The following PIAS1 variants were observed in gnomAD, a reference collection of about 807,000 sequenced individuals.
The protein encoded by PIAS1 is protein inhibitor of activated STAT 1.
A neutral mutation model predicts 71.3 loss-of-function variants in PIAS1; 6 were observed. The observed-to-expected ratio is 0.08, with a 90% confidence interval of 0.05 to 0.17. The LOEUF (loss-of-function observed/expected upper bound fraction) is 0.17. PIAS1 is among the 10% of genes least tolerant of loss of function. PIAS1 has a pLI of 1.00. For synonymous variants in PIAS1, 303 were observed against 292.9 expected (o/e 1.03, Z -0.35); for missense variants, 555 against 793.6 (o/e 0.70, Z 3.61).
At position 68,190,085 on chromosome 15, in the gene PIAS1, A is replaced by G. The variant is rs1275448169; in HGVS notation, c.*2250A>G. The G allele has an allele frequency of 6.6e-6, 1 of 151,894 alleles. No homozygotes were observed. Among genetic ancestry groups the G allele is most frequent in the African/African-American group, 2.4e-5 (1 of 41,434 alleles). The allele number at this position is 151,894 out of a possible 1,614,324, so 9.4% of individuals were successfully genotyped here. A position where few individuals can be genotyped will look rare whatever the true frequency, so the allele number is the denominator to read the frequency against. ...AACTTTGTGTATGATGCTGAATTAC[A>G]AACCGTTTGAATGATCCAGTTGAAA... is the stretch of plus-strand genomic sequence containing the variant. On this transcript the variant is annotated 3_prime_UTR_variant, in exon 14 of 14. Coordinates refer to ENST00000249636, the MANE Select transcript of PIAS1 (RefSeq NM_016166.3). This position sits in a 1 kb window ranked among gnomAD's most constrained non-coding sequence, Gnocchi z 4.7.
In PIAS1 at chr15:68,191,265, CTT is replaced by C. The variant is rs1253100947; in HGVS notation, c.*3432_*3433del. On this transcript the variant is annotated 3_prime_UTR_variant, in exon 14 of 14. Coordinates refer to ENST00000249636, the MANE Select transcript of PIAS1 (RefSeq NM_016166.3). ...AAATCTGTGATTCATTGCCTTAAAACTTTCTCTCTTAGAATTTCCATACCGCA... is the reference window on the plus strand; with the variant it reads ...AAATCTGTGATTCATTGCCTTAAAACTCTCTCTTAGAATTTCCATACCGCA... 6.6e-6 allele frequency: 1 copy of C among 152,620 alleles called. No individual in the cohort carries two copies. The highest frequency in any genetic ancestry group is 1.5e-5 in the Non-Finnish European group (1 of 68,028). 9.5% of individuals were successfully genotyped at this position (152,620 alleles called of 1,614,324 possible). A position where few individuals can be genotyped will look rare whatever the true frequency, so the allele number is the denominator to read the frequency against.
At chr15:68,163,835 T>TGTAC (rs2092940093) in intron 7 of PIAS1, among the ~76,000 whole-genome samples, 1 of 152,204 alleles carries the variant, frequency 6.6e-6, no homozygotes, top group African/African-American at 2.4e-5. Context: ...ATATAGACTT[T>TGTAC]AAAGTTATTA....
chr15:68,069,618 C>A (rs770619020), intron 1 of PIAS1, among the ~76,000 whole-genome samples: 31 of 151,840 alleles, frequency 2.0e-4, no homozygotes, highest in Non-Finnish European at 4.4e-4. Context: ...CCGGCTAACA[C>A]GGTGAAACCG....
At chr15:68,181,988 T>TAA (rs2093056026) in intron 12 of PIAS1, 1 of 152,258 alleles carries the variant, frequency 6.6e-6, no homozygotes, top group Non-Finnish European at 1.5e-5. Context: ...CATTATTTAT[T>TAA]GTACCCTGAC....
intron 1 of PIAS1, chr15:68,057,503 T>A (rs2091909622): frequency 2.3e-6 from 1 of 444,414 alleles, no homozygotes; most frequent in Non-Finnish European, 4.5e-6. Flanking sequence ...AGAGAAGAAG[T>A]CCATCAGCAT....
chr15:68,174,220 C>G lies in PIAS1; in HGVS notation c.1169+328C>G, dbSNP rs2093008333. Among the ~76,000 whole-genome samples the G allele has an allele frequency of 6.6e-6, 1 of 152,114 alleles. No individual in the cohort carries two copies. Among genetic ancestry groups the G allele is most frequent in the African/African-American group, 2.4e-5 (1 of 41,408 alleles). ...GTCCATCCATCCCTAGATATGCAGA[C>G]CATATTGGAACAAGAATGTATGGGG... On this transcript the variant is annotated intron_variant, in intron 9 of 13. Transcript: ENST00000249636. This position sits in a 1 kb window ranked among gnomAD's most constrained non-coding sequence, Gnocchi z 4.0.
Position 68,086,777 on chromosome 15 carries a change from G to GT in PIAS1, c.469+29dup. 2 of 1,462,396 alleles carry GT rather than the reference G, an allele frequency of 1.4e-6. No homozygotes were observed. Among genetic ancestry groups the GT allele is most frequent in the Non-Finnish European group, 1.9e-6 (2 of 1,055,184 alleles). 90.6% of individuals were successfully genotyped at this position (1,462,396 alleles called of 1,614,324 possible). A position where few individuals can be genotyped will look rare whatever the true frequency, so the allele number is the denominator to read the frequency against. ...TAAGATTATTGTATGATAGTATTTG[G>GT]TTACTTTTGCAGGATGAATTTTCGT... On this transcript the variant is annotated intron_variant, in intron 2 of 13. Transcript: ENST00000249636. This position sits in a 1 kb window ranked among gnomAD's most constrained non-coding sequence, Gnocchi z 7.2.
intron 1 of PIAS1, among the ~76,000 whole-genome samples, chr15:68,065,440 AATT>A (rs1231443897): frequency 6.6e-6 from 1 of 151,882 alleles, no homozygotes; most frequent in Non-Finnish European, 1.5e-5. Context: ...AAATACAAAA[AATT>A]AGCTGGGCAT....
chr15:68,086,488 C>G lies in PIAS1; in HGVS notation c.207C>G (p.Ile69Met). Residue 69 changes from isoleucine (I) to methionine (M), a missense_variant, in exon 2 of 14, where the codon ATC becomes ATG. Physicochemically the swap from Ile to Met is conservative, Grantham distance 10. Transcript: ENST00000249636. This position sits in a 1 kb window ranked among gnomAD's most constrained non-coding sequence, Gnocchi z 7.2. ...ATAGGCGGCGGTTCCCACAGAAAAT[C>G]ATGACGCCTGCAGACTTGTCCATCC... is the stretch of plus-strand genomic sequence containing the variant. ...ELYRRRFPQKIMTPADLSIPN... is the reference protein window; with the variant it reads ...ELYRRRFPQKMMTPADLSIPN... 1 of 1,613,958 alleles carries G rather than the reference C, an allele frequency of 6.2e-7. No individual in the cohort carries two copies. Among genetic ancestry groups the G allele is most frequent in the Non-Finnish European group, 8.5e-7 (1 of 1,179,878 alleles).
intron 8 of PIAS1, among the ~76,000 whole-genome samples, chr15:68,168,540 A>G (rs922781407): frequency 6.6e-6 from 1 of 152,280 alleles, no homozygotes; most frequent in Admixed American, 6.5e-5. Context: ...ATGCAAACAT[A>G]ATTTGTGTCC....
chr15:68,175,521 A>ATT, intron 9 of PIAS1, 116 bp from the exon 10 acceptor site: 1 of 389,810 alleles, frequency 2.6e-6, no homozygotes, highest in Non-Finnish European at 4.3e-6. Context: ...AATGTGACAT[A>ATT]AATTAGGCAG....
intron 7 of PIAS1, among the ~76,000 whole-genome samples, chr15:68,158,973 C>A (rs981862580): frequency 2.0e-5 from 3 of 152,066 alleles, no homozygotes; most frequent in Non-Finnish European, 4.4e-5. Context: ...TTAAATACAG[C>A]GTCATGTGAG....
intron 2 of PIAS1, chr15:68,087,940 A>G (rs1432011167): frequency 6.8e-6 from 2 of 293,402 alleles, no homozygotes; most frequent in African/African-American, 4.4e-5. Context: ...ATAATAAGAA[A>G]ACATTTTTTG....
intron 6 of PIAS1, among the ~76,000 whole-genome samples, chr15:68,151,276 T>G (rs904923577): frequency 2.0e-5 from 3 of 152,156 alleles, no homozygotes; most frequent in Non-Finnish European, 4.4e-5. Context: ...TTCTTTTTGC[T>G]GCTTTTATTT....
intron 2 of PIAS1, among the ~76,000 whole-genome samples, chr15:68,112,430 AT>A (rs1340741079): frequency 1.1e-4 from 17 of 152,040 alleles, no homozygotes; most frequent in Admixed American, 8.5e-4. Context: ...CCTTTCTCTC[AT>A]GAACCCTTTC....
At chr15:68,130,544 T>C (rs2092682647) in intron 2 of PIAS1, among the ~76,000 whole-genome samples, 1 of 152,034 alleles carries the variant, frequency 6.6e-6, no homozygotes, top group Non-Finnish European at 1.5e-5. Context: ...GTTTGATACA[T>C]TTGCTGGTAA....
intron 2 of PIAS1, among the ~76,000 whole-genome samples, chr15:68,105,750 C>T (rs1294284833): frequency 1.3e-5 from 2 of 152,060 alleles, no homozygotes; most frequent in East Asian, 3.9e-4. Flanking sequence ...GCATGAGAGT[C>T]GGTTGAGCCC....
rs763062339 is a variant in PIAS1, at chr15:68,188,064, T to A, written c.*229T>A. ...CTGCCTGTGTGATAAAACACTTGTT[T>A]AAAAAAAAAAAGGAAAGAAAAGAAA... On this transcript the variant is annotated 3_prime_UTR_variant, in exon 14 of 14. Coordinates refer to ENST00000249636, the MANE Select transcript of PIAS1 (RefSeq NM_016166.3). The A allele has an allele frequency of 1.5e-4, 42 of 273,018 alleles. No individual in the cohort carries two copies. Among genetic ancestry groups the A allele is most frequent in the Non-Finnish European group, 2.4e-4 (36 of 148,836 alleles). The allele number at this position is 273,018 out of a possible 1,614,324, so 16.9% of individuals were successfully genotyped here. A position where few individuals can be genotyped will look rare whatever the true frequency, so the allele number is the denominator to read the frequency against.
At chr15:68,172,122 T>C (rs1445982978) in intron 8 of PIAS1, among the ~76,000 whole-genome samples, 1 of 151,882 alleles carries the variant, frequency 6.6e-6, no homozygotes, top group Non-Finnish European at 1.5e-5. Context: ...GTCCAAGTGT[T>C]CTCATTGTTC....
Sources: gnomAD v4.1 joint callset for allele counts (sites outside exome capture counted in the v4.1 genomes callset) on GRCh38, gnomAD v4.1.1 for gene constraint, Gnocchi (gnomAD v3.1) non-coding constraint, MANE v1.5 for transcripts, NCBI Gene and HGNC (gene_info 2026-07-23, HGNC 2026-07-21) for gene names.